Variants in NRG1 observed in about 807,000 individuals in gnomAD.
NRG1 encodes neuregulin 1, also known as pro-neuregulin-1, membrane-bound isoform.
In NRG1, 18 loss-of-function variants were observed where a neutral mutation model predicts 63.8. That is an observed-to-expected ratio of 0.28 (90% confidence interval 0.19 to 0.42). The LOEUF (loss-of-function observed/expected upper bound fraction) is 0.42. Ranked by LOEUF, NRG1 falls within the 10% of genes least tolerant of loss-of-function variation. The probability of loss-of-function intolerance (pLI) is 1.00; values close to 1 mark genes in which losing one functional copy is unlikely to be tolerated. For missense variants in NRG1, 762 were observed against 814.7 expected, an observed-to-expected ratio of 0.94 and a Z score of 0.79; for synonymous variants, 302 against 301.3, an observed-to-expected ratio of 1.00 and a Z score of -0.02.
chr8:32,300,689 T>C (rs376436003), intron 1 of NRG1, among the ~76,000 whole-genome samples: 16 of 152,338 alleles, frequency 1.1e-4, no homozygotes, highest in East Asian at 9.6e-4. Flanking sequence ...TAGCTTTAGA[T>C]TGGATTAGCT....
At chr8:31,719,866 G>A (rs1305304845) in intron 1 of NRG1, among the ~76,000 whole-genome samples, 1 of 151,800 alleles carries the variant, frequency 6.6e-6, no homozygotes, top group Non-Finnish European at 1.5e-5. Context: ...GAAGACAAAT[G>A]TTTTTTGTTA....
chr8:32,571,915 A>C (rs1439381352), intron 1 of NRG1, among the ~76,000 whole-genome samples: 1 of 146,960 alleles, frequency 6.8e-6, no homozygotes, highest in Non-Finnish European at 1.5e-5. Context: ...TGGCCATAAA[A>C]ATAGTCAGAG....
intron 1 of NRG1, among the ~76,000 whole-genome samples, chr8:32,007,042 T>A (rs1037633146): frequency 9.2e-5 from 14 of 152,052 alleles, no homozygotes; most frequent in African/African-American, 3.4e-4. Flanking sequence ...GCCAGGCCAT[T>A]TTTCCTCACA....
At chr8:32,262,679 G>A (rs897146076) in intron 1 of NRG1, among the ~76,000 whole-genome samples, 1 of 151,750 alleles carries the variant, frequency 6.6e-6, no homozygotes, top group Non-Finnish European at 1.5e-5. Context: ...TTGAAAAATG[G>A]GAAAAAAATA....
chr8:31,794,867 A>G (rs1244445109), intron 1 of NRG1, among the ~76,000 whole-genome samples: 5 of 152,130 alleles, frequency 3.3e-5, no homozygotes. Flanking sequence ...CAGCAGCACA[A>G]TCTCAGCTCC....
chr8:32,625,796 T>C (rs138149112), intron 5 of NRG1, among the ~76,000 whole-genome samples: 3 of 140,202 alleles, frequency 2.1e-5, no homozygotes, highest in Middle Eastern at 3.6e-3. Flanking sequence ...TTCTTTTTTC[T>C]TTTTTTTTTT....
chr8:32,684,643 T>G (rs1167453280), intron 5 of NRG1, among the ~76,000 whole-genome samples: 1 of 152,142 alleles, frequency 6.6e-6, no homozygotes, highest in Non-Finnish European at 1.5e-5. Flanking sequence ...TTTTTAAAAT[T>G]GACAGTTTCC....
chr8:32,441,477 G>C (rs568218443), intron 1 of NRG1: 1 of 152,086 alleles, frequency 6.6e-6, no homozygotes, highest in South Asian at 2.1e-4. Flanking sequence ...TTAGCCACCA[G>C]GTGTGGTGGT....
At chr8:32,155,718 A>G (rs752154721) in intron 1 of NRG1, among the ~76,000 whole-genome samples, 29 of 152,190 alleles carry the variant, frequency 1.9e-4, no homozygotes, top group Admixed American at 3.3e-4. Flanking sequence ...GTATGTCACC[A>G]TATCTCTTCC....
At chr8:31,945,323 C>T (rs1245087845) in intron 1 of NRG1, among the ~76,000 whole-genome samples, 1 of 152,066 alleles carries the variant, frequency 6.6e-6, no homozygotes, top group Non-Finnish European at 1.5e-5. Context: ...CAGAGTTTAT[C>T]GACTGTCACT....
chr8:32,548,721 G>A (rs757603833), exon 1 of NRG1: 5 of 1,575,606 alleles, frequency 3.2e-6, no homozygotes, highest in African/African-American at 2.7e-5. Flanking sequence ...CTCCGTCTCC[G>A]GCGAGATGTC....
chr8:31,894,839 C>G (rs761925445), intron 1 of NRG1, among the ~76,000 whole-genome samples: 23 of 151,970 alleles, frequency 1.5e-4, no homozygotes, highest in Admixed American at 3.3e-4. Context: ...CGTGAGCCAC[C>G]GCACCCGGCC....
intron 1 of NRG1, among the ~76,000 whole-genome samples, chr8:32,157,991 A>T (rs548591425): frequency 6.6e-6 from 1 of 152,202 alleles, no homozygotes; most frequent in South Asian, 2.1e-4. Context: ...CTGTCCCGGG[A>T]TGCTGACATG....
intron 1 of NRG1, among the ~76,000 whole-genome samples, chr8:32,557,096 A>G (rs9642699): frequency 0.19 from 28,546 of 151,872 alleles, 2,781 homozygotes; most frequent in Non-Finnish European, 0.21. Flanking sequence ...AGCTCCCCCC[A>G]CTGGGTTCAT....
intron 1 of NRG1, among the ~76,000 whole-genome samples, chr8:32,575,289 G>T (rs1263096783): frequency 6.6e-6 from 1 of 152,082 alleles, no homozygotes; most frequent in African/African-American, 2.4e-5. Flanking sequence ...CTCACTTCAT[G>T]TTCAATTGCC....
rs563187898 is a variant in NRG1, at chr8:32,375,001, G to A, written c.38-220827G>A. On this transcript the variant is annotated intron_variant, in intron 1 of 10. Coordinates refer to the NRG1 transcript ENST00000519301. ...TTATTTATTTGTTTGTTTGTTTATT[G>A]AGACAAGGTCTGCCTCTGTCACCCA... Among the ~76,000 whole-genome samples the A allele has an allele frequency of 8.5e-5, 13 of 152,192 alleles. No individual in the cohort carries two copies. In the East Asian group the frequency reaches 1.9e-3, roughly 23 times the overall value.
At chr8:32,466,849 G>A (rs1823128236) in intron 1 of NRG1, among the ~76,000 whole-genome samples, 2 of 151,916 alleles carry the variant, frequency 1.3e-5, no homozygotes, top group East Asian at 1.9e-4. Flanking sequence ...TCATATAATA[G>A]TGATATTCTG....
chr8:31,932,967 T>C (rs1257227889), intron 1 of NRG1, among the ~76,000 whole-genome samples: 2 of 152,212 alleles, frequency 1.3e-5, no homozygotes, highest in East Asian at 3.8e-4. Flanking sequence ...TAAGCTCATA[T>C]TTTGAACTTT....
At chr8:31,712,522 C>T (rs1000743608) in intron 1 of NRG1, among the ~76,000 whole-genome samples, 1 of 152,122 alleles carries the variant, frequency 6.6e-6, no homozygotes, top group African/African-American at 2.4e-5. Flanking sequence ...CCTGCCTCGG[C>T]CTCCCAAAGT....
Sources: allele counts gnomAD v4.1 joint callset (sites outside exome capture counted in the v4.1 genomes callset), GRCh38; gene constraint gnomAD v4.1.1; transcripts MANE v1.5; gene names NCBI Gene and HGNC (gene_info 2026-07-23, HGNC 2026-07-21).